RANBP3L: variants seen among roughly 807,000 people sequenced by gnomAD.
RANBP3L encodes the protein ran-binding protein 3-like.
A neutral mutation model predicts 67.2 loss-of-function variants in RANBP3L; 56 were observed. The observed-to-expected ratio is 0.83, with a 90% CI of 0.67 to 1.04. The LOEUF (loss-of-function observed/expected upper bound fraction) is 1.04. Among genes scored for constraint, RANBP3L ranks in the 50% least tolerant of loss-of-function variants. The probability of loss-of-function intolerance (pLI) is 0.00; values close to 1 mark genes in which losing one functional copy is unlikely to be tolerated. For missense variants in RANBP3L, 496 were observed against 535.5 expected (o/e 0.93, Z 0.73); for synonymous variants, 164 against 181.4 (o/e 0.90, Z 0.77).
chr5:36,263,731 T>C (rs899680519), intron 6 of RANBP3L, among the ~76,000 whole-genome samples: 30 of 152,338 alleles, frequency 2.0e-4, no homozygotes, highest in African/African-American at 6.7e-4. Flanking sequence ...TTTACTATAT[T>C]GCCTAGGCTT....
At chr5:36,295,692 T>C (rs924042340) in intron 1 of RANBP3L, among the ~76,000 whole-genome samples, 4 of 133,344 alleles carry the variant, frequency 3.0e-5, no homozygotes, top group African/African-American at 8.0e-5. Flanking sequence ...TTTTTTTTTT[T>C]CAAATAGTAG....
intron 1 of RANBP3L, among the ~76,000 whole-genome samples, chr5:36,285,547 A>T (rs1489425517): frequency 6.6e-6 from 1 of 152,198 alleles, no homozygotes; most frequent in African/African-American, 2.4e-5. Context: ...CATATGCCTT[A>T]TTGTTAAAAA....
chr5:36,274,864 TG>T (rs1189765512), intron 1 of RANBP3L, among the ~76,000 whole-genome samples: 1 of 152,182 alleles, frequency 6.6e-6, no homozygotes, highest in African/African-American at 2.4e-5. Flanking sequence ...CTTTTTTCTT[TG>T]TTTAAAATCA....
In RANBP3L at chr5:36,286,733, C is replaced by T. The variant is rs12188260; in HGVS notation, c.91+14593G>A. On this transcript the variant is annotated intron_variant, in intron 1 of 13. Coordinates refer to ENST00000296604, the MANE Select transcript of RANBP3L (RefSeq NM_145000.5). ...TCTAACTGAAATGAATCAATAACCACGTCAGAACAAATGTAGACCAAGTGT... is the reference window on the plus strand; with the variant it reads ...TCTAACTGAAATGAATCAATAACCATGTCAGAACAAATGTAGACCAAGTGT... Among the ~76,000 whole-genome samples the T allele has an allele frequency of 4.0e-3, 606 of 152,310 alleles. 2 individuals are homozygous for T. The highest frequency in any genetic ancestry group is 7.1e-3 in the Non-Finnish European group (483 of 68,030).
chr5:36,277,065 C>CT (rs1750623953), intron 1 of RANBP3L, among the ~76,000 whole-genome samples: 1 of 152,240 alleles, frequency 6.6e-6, no homozygotes, highest in Non-Finnish European at 1.5e-5. Flanking sequence ...CAACAAACCC[C>CT]TGCAGAGGGG....
intron 9 of RANBP3L, 28 bp downstream of exon 9, chr5:36,257,426 A>G: frequency 1.9e-6 from 2 of 1,066,152 alleles, no homozygotes; most frequent in Non-Finnish European, 2.9e-6. Flanking sequence ...AGGTGAATCT[A>G]ATGTTTTACA....
In RANBP3L at chr5:36,257,087, GA is replaced by G. The variant is rs1749038196; in HGVS notation, c.773-17del. The G allele has an allele frequency of 4.4e-6, 7 of 1,598,150 alleles. No individual in the cohort carries two copies. The South Asian group carries it at 5.6e-5, about 13-fold the overall frequency. ...GAGTCTGTTCCTAAGAGAAAATGGG[GA>G]AAAAACACTTAAAAGTCCCCATTTT... On this transcript the variant is annotated splice_polypyrimidine_tract_variant and intron_variant, in intron 9 of 13. Transcript: ENST00000296604.
At chr5:36,259,272 A>T (rs1177050938) in intron 8 of RANBP3L, among the ~76,000 whole-genome samples, 2 of 152,212 alleles carry the variant, frequency 1.3e-5, no homozygotes, top group Non-Finnish European at 2.9e-5. Flanking sequence ...AATGACTAAC[A>T]TATGAAAGCC....
chr5:36,249,721 T>C (rs776394650), intron 13 of RANBP3L, 24 bp from the exon 14 acceptor site: 1 of 1,389,414 alleles, frequency 7.2e-7, no homozygotes. Context: ...TTAAAATGTT[T>C]TATTATACAA....
At chr5:36,290,408 G>A (rs903860445) in intron 1 of RANBP3L, among the ~76,000 whole-genome samples, 7 of 151,412 alleles carry the variant, frequency 4.6e-5, no homozygotes, top group Non-Finnish European at 1.0e-4. Flanking sequence ...GTAGAGATGG[G>A]GTTTCACCAT....
chr5:36,247,254 T>C lies in RANBP3L; in HGVS notation c.*2400A>G, dbSNP rs951149720. On this transcript the variant is annotated 3_prime_UTR_variant, in exon 14 of 14. Coordinates refer to ENST00000296604, the MANE Select transcript of RANBP3L (RefSeq NM_145000.5). The stretch of plus-strand genomic sequence containing the variant: ...TTCCTCCAAAATTGTACTAAATATT[T>C]GTGTAAGAATTCTAAGAAAGAATAA... 2.0e-5 allele frequency among the ~76,000 whole-genome samples: 3 copies of C among 152,306 alleles called. No homozygotes were observed. The highest frequency in any genetic ancestry group is 6.5e-5 in the Admixed American group (1 of 15,300).
chr5:36,262,253 C>A (rs1749452175), intron 6 of RANBP3L, among the ~76,000 whole-genome samples: 1 of 152,128 alleles, frequency 6.6e-6, no homozygotes, highest in Non-Finnish European at 1.5e-5. Context: ...TAAACTGACA[C>A]AAAAAACTTA....
intron 10 of RANBP3L, 192 bp downstream of exon 10, chr5:36,256,749 G>T (rs188142005): frequency 1.8e-5 from 10 of 560,806 alleles, no homozygotes; most frequent in Non-Finnish European, 2.8e-5. Flanking sequence ...TTCCTGCCAG[G>T]TACACATACA....
intron 1 of RANBP3L, among the ~76,000 whole-genome samples, chr5:36,278,807 A>T (rs748444991): frequency 6.6e-6 from 1 of 152,180 alleles, no homozygotes; most frequent in Non-Finnish European, 1.5e-5. Context: ...TGCTTGAAGC[A>T]ATTAATGATT....
At chr5:36,255,715 T>TA (rs1579676947) in intron 10 of RANBP3L, 125 bp from the exon 11 acceptor site, 1 of 546,420 alleles carries the variant, frequency 1.8e-6, no homozygotes, top group East Asian at 3.5e-5. Context: ...TAATGATTTA[T>TA]AAACCAGCTT....
intron 1 of RANBP3L, among the ~76,000 whole-genome samples, chr5:36,287,394 G>C (rs909149081): frequency 1.3e-5 from 2 of 152,134 alleles, no homozygotes; most frequent in Non-Finnish European, 2.9e-5. Flanking sequence ...TTGTTCACTA[G>C]AGTCGAGAAC....
chr5:36,250,278 T>C (rs927811753), intron 13 of RANBP3L, among the ~76,000 whole-genome samples: 2 of 151,968 alleles, frequency 1.3e-5, no homozygotes, highest in Non-Finnish European at 2.9e-5. Flanking sequence ...TTATATGTTT[T>C]AAAGACTAAT....
intron 8 of RANBP3L, among the ~76,000 whole-genome samples, chr5:36,259,724 G>A (rs1041134585): frequency 2.6e-5 from 4 of 152,122 alleles, no homozygotes; most frequent in Non-Finnish European, 5.9e-5. Context: ...AGCTAGGCAC[G>A]TTCGAGCTAT....
chr5:36,276,783 G>A (rs1019801139), intron 1 of RANBP3L, among the ~76,000 whole-genome samples: 1 of 152,150 alleles, frequency 6.6e-6, no homozygotes, highest in Non-Finnish European at 1.5e-5. Flanking sequence ...GATCTACTGA[G>A]TCAAAAGAAG....
Sources: allele counts gnomAD v4.1 joint callset (sites outside exome capture counted in the v4.1 genomes callset), GRCh38; gene constraint gnomAD v4.1.1; transcripts MANE v1.5; gene names NCBI Gene and HGNC (gene_info 2026-07-23, HGNC 2026-07-21).